Variants in METTL16 observed in about 807,000 individuals in gnomAD.
METTL16 encodes the protein methyltransferase 16, RNA N6-adenosine.
A neutral mutation model predicts 57.9 loss-of-function variants in METTL16; 19 were observed. The ratio of observed to expected loss-of-function variants is 0.33; its 90% CI spans 0.23 to 0.48. The LOEUF is 0.48. METTL16 is among the 20% of genes least tolerant of loss of function. The pLI, the probability that METTL16 is intolerant of heterozygous loss-of-function variation, is 0.99. For synonymous variants in METTL16, 246 were observed against 255.6 expected (o/e 0.96, Z 0.36); for missense variants, 434 against 691.5 (o/e 0.63, Z 4.18).
At chr17:2,452,620 GT>G (rs2067079213) in intron 6 of METTL16, among the ~76,000 whole-genome samples, 1 of 152,170 alleles carries the variant, frequency 6.6e-6, no homozygotes, top group African/African-American at 2.4e-5. Flanking sequence ...GAGATGGTAG[GT>G]TTCAAGAAAA....
intron 1 of METTL16, among the ~76,000 whole-genome samples, chr17:2,507,510 T>C (rs1451699032): frequency 6.8e-6 from 1 of 147,082 alleles, no homozygotes; most frequent in Non-Finnish European, 1.5e-5. Flanking sequence ...GGTGGGGGGG[T>C]CAGCCCCCCG....
At chr17:2,453,159 C>T (rs746643966) in intron 6 of METTL16, among the ~76,000 whole-genome samples, 2 of 152,252 alleles carry the variant, frequency 1.3e-5, no homozygotes, top group East Asian at 1.9e-4. Context: ...TGCGCCCCCA[C>T]GGAAACAAGT....
intron 8 of METTL16, among the ~76,000 whole-genome samples, chr17:2,435,852 G>A (rs1006127164): frequency 3.3e-5 from 5 of 151,992 alleles, no homozygotes; most frequent in African/African-American, 4.8e-5. Flanking sequence ...AACTATGAAC[G>A]GGGCTGAAGG....
intron 2 of METTL16, among the ~76,000 whole-genome samples, chr17:2,492,916 A>AAC (rs1555621091): frequency 9.0e-5 from 13 of 144,646 alleles, no homozygotes; most frequent in Non-Finnish European, 1.5e-4. Context: ...AAAAAAAAAA[A>AAC]CAACAAAAAA....
chr17:2,449,983 A>G (rs559695542), intron 6 of METTL16, among the ~76,000 whole-genome samples: 37 of 152,352 alleles, frequency 2.4e-4, no homozygotes, highest in Non-Finnish European at 3.1e-4. Context: ...TTAAAAGGTG[A>G]CAACAGTACC....
At chr17:2,445,175 C>A (rs920706890) in intron 6 of METTL16, among the ~76,000 whole-genome samples, 3 of 152,098 alleles carry the variant, frequency 2.0e-5, no homozygotes, top group Non-Finnish European at 4.4e-5. Flanking sequence ...TTTTTACTGT[C>A]CCTTTTCTAT....
chr17:2,479,317 C>T (rs567107800), intron 2 of METTL16, among the ~76,000 whole-genome samples: 1 of 150,950 alleles, frequency 6.6e-6, no homozygotes, highest in African/African-American at 2.4e-5. Context: ...CAGGTGCATA[C>T]CACCACACTA....
intron 4 of METTL16, among the ~76,000 whole-genome samples, chr17:2,468,506 A>G (rs1003068690): frequency 6.6e-6 from 1 of 152,232 alleles, no homozygotes; most frequent in African/African-American, 2.4e-5. Context: ...AAATGCATCA[A>G]AGGGTCTCAG....
chr17:2,478,133 C>T (rs142463864), intron 2 of METTL16, among the ~76,000 whole-genome samples: 5 of 152,284 alleles, frequency 3.3e-5, no homozygotes, highest in South Asian at 4.1e-4. Context: ...TTAAATGACT[C>T]GGCTCAAATT....
intron 8 of METTL16, among the ~76,000 whole-genome samples, chr17:2,425,318 G>C (rs1262538662): frequency 6.6e-6 from 1 of 152,132 alleles, no homozygotes; most frequent in East Asian, 1.9e-4. Flanking sequence ...TAGTTTAGCA[G>C]GCAAGGCGTA....
At position 2,495,394 on chromosome 17, in the gene METTL16, G is replaced by A. The variant is rs111700362; in HGVS notation, c.128+6810C>T. 6.2e-3 allele frequency among the ~76,000 whole-genome samples: 944 copies of A among 152,072 alleles called. 6 individuals carry two copies. The highest frequency in any genetic ancestry group is 0.022 in the African/African-American group (893 of 41,484). On this transcript the variant is annotated intron_variant, in intron 2 of 9. Transcript: ENST00000263092. ...GAGGAGGTCATTATCAACATTAATC[G>A]AATATGAAAAAGATGATTTCGGCTG...
At chr17:2,443,566 A>G (rs1042336771) in intron 6 of METTL16, among the ~76,000 whole-genome samples, 1 of 149,636 alleles carries the variant, frequency 6.7e-6, no homozygotes, top group Non-Finnish European at 1.5e-5. Flanking sequence ...GGCTCGCTGC[A>G]AGCTCCACCT....
At position 2,416,718 on chromosome 17, in the gene METTL16, T is replaced by G. The variant is rs1314588453; in HGVS notation, c.*3252A>C. ...CGATTCTAGGGACCAGAAGAGAATGTAGGGTCACATCACCAAGATTTAATT... is the reference window on the plus strand; with the variant it reads ...CGATTCTAGGGACCAGAAGAGAATGGAGGGTCACATCACCAAGATTTAATT... On this transcript the variant is annotated 3_prime_UTR_variant, in exon 10 of 10. Coordinates refer to ENST00000263092, the MANE Select transcript of METTL16 (RefSeq NM_024086.4). 1 of 152,178 alleles carries G rather than the reference T, an allele frequency of 6.6e-6. No homozygotes were observed. Among genetic ancestry groups the G allele is most frequent in the Non-Finnish European group, 1.5e-5 (1 of 68,036 alleles). 9.4% of individuals were successfully genotyped at this position (152,178 alleles called of 1,614,324 possible). A position where few individuals can be genotyped will look rare whatever the true frequency, so the allele number is the denominator to read the frequency against.
chr17:2,448,806 A>ATTT (rs1331751976), intron 6 of METTL16, among the ~76,000 whole-genome samples: 1 of 117,992 alleles, frequency 8.5e-6, no homozygotes, highest in Non-Finnish European at 1.8e-5. Context: ...AAAATTTAAA[A>ATTT]AAAAAAAAAA....
rs777632238 is a variant in METTL16 at position 2,473,716 on chromosome 17, C to A, written c.329-52G>T. Reference sequence around the variant, plus strand: ...TTCTACACACCAGAGGGAAAGGTTACAATAATCATGAAAACACCATTCTTC... The same window carrying A: ...TTCTACACACCAGAGGGAAAGGTTAAAATAATCATGAAAACACCATTCTTC... On this transcript the variant is annotated intron_variant, in intron 3 of 9. Transcript: ENST00000263092. The A allele has an allele frequency of 8.3e-6, 13 of 1,557,708 alleles. No homozygotes were observed. The African/African-American group carries it at 1.5e-4, about 18-fold the overall frequency.
At chr17:2,478,714 G>C (rs2067283918) in intron 2 of METTL16, among the ~76,000 whole-genome samples, 1 of 152,140 alleles carries the variant, frequency 6.6e-6, no homozygotes, top group Non-Finnish European at 1.5e-5. Flanking sequence ...GCCTTTTCTG[G>C]ACACTTCAAG....
At chr17:2,440,071 A>C (rs1204646401) in intron 7 of METTL16, among the ~76,000 whole-genome samples, 3 of 152,170 alleles carry the variant, frequency 2.0e-5, no homozygotes, top group Admixed American at 2.0e-4. Context: ...AGTCTGGGCA[A>C]CACAGAGAGA....
chr17:2,473,679 A>T lies in METTL16; in HGVS notation c.329-15T>A. The T allele has an allele frequency of 1.2e-6, 2 of 1,608,958 alleles. No homozygotes were observed. Among genetic ancestry groups the T allele is most frequent in the Non-Finnish European group, 1.7e-6 (2 of 1,178,220 alleles). On this transcript the variant is annotated splice_polypyrimidine_tract_variant and intron_variant, in intron 3 of 9. Transcript: ENST00000263092. ...TGCCCCCGTGCCTAATAAAATAAAAATACAAAACACATTCTACACACCAGA... is the reference window on the plus strand; with the variant it reads ...TGCCCCCGTGCCTAATAAAATAAAATTACAAAACACATTCTACACACCAGA...
At chr17:2,493,250 G>A (rs1012648060) in intron 2 of METTL16, among the ~76,000 whole-genome samples, 13 of 150,162 alleles carry the variant, frequency 8.7e-5, no homozygotes, top group African/African-American at 2.4e-4. Flanking sequence ...CACCACGCCC[G>A]GCTAATTTTT....
Sources: allele counts gnomAD v4.1 joint callset (sites outside exome capture counted in the v4.1 genomes callset), GRCh38; gene constraint gnomAD v4.1.1; transcripts MANE v1.5; gene names NCBI Gene and HGNC (gene_info 2026-07-23, HGNC 2026-07-21).